The following USP35 variants were observed in gnomAD, a reference collection of about 807,000 sequenced individuals.
USP35 encodes the protein ubiquitin specific peptidase 35, also known as ubiquitin carboxyl-terminal hydrolase 35.
Under a neutral mutation model 83.8 loss-of-function variants are expected in USP35, and 69 were observed. The ratio of observed to expected loss-of-function variants is 0.82; its 90% CI spans 0.68 to 1.01. The LOEUF (loss-of-function observed/expected upper bound fraction) is 1.01, where lower values mean the gene tolerates loss of function less well. Among genes scored for constraint, USP35 ranks in the 50% least tolerant of loss-of-function variants. The probability of loss-of-function intolerance (pLI) is 0.00; values close to 1 mark genes in which losing one functional copy is unlikely to be tolerated. For missense variants in USP35, 1,503 were observed against 1,362.5 expected, an observed-to-expected ratio of 1.10 and a Z score of -1.62; for synonymous variants, 714 against 589.5, an observed-to-expected ratio of 1.21 and a Z score of -3.06.
At chr11:78,197,198 C>T (rs374958727) in intron 2 of USP35, among the ~76,000 whole-genome samples, 274 of 104,092 alleles carry the variant, frequency 2.6e-3, no homozygotes, top group African/African-American at 0.01. Context: ...GAGGGAGGAA[C>T]GGGAAGTTGA....
Position 78,209,966 on chromosome 11 carries a change from G to A in USP35, c.2111G>A (p.Gly704Glu), listed in dbSNP as rs764156825. The A allele has an allele frequency of 2.5e-6, 4 of 1,612,228 alleles. No individual in the cohort carries two copies. Residue 704 changes from glycine to glutamate, a missense_variant, in exon 10 of 11, where the codon GGA becomes GAA. Transcript: ENST00000529308. ...GAGGAGGAAAGCACCAGAGGGGAAG[G>A]AGAGAGGGAGAAAGAGGAGGAGGTG... ...GEEEESTRGE[G>E]EREKEEEVEE...
At chr11:78,191,313 T>C (rs1414938724) in intron 1 of USP35, among the ~76,000 whole-genome samples, 1 of 152,124 alleles carries the variant, frequency 6.6e-6, no homozygotes, top group Non-Finnish European at 1.5e-5. Context: ...GGCAGAGGGA[T>C]TGGGATTTTC....
chr11:78,203,524 C>T (rs1020407799), intron 6 of USP35, among the ~76,000 whole-genome samples: 2 of 152,158 alleles, frequency 1.3e-5, no homozygotes, highest in Admixed American at 6.5e-5. Flanking sequence ...CTCACTTTAT[C>T]TCAAAGACTC....
the USP35 span, chr11:78,220,456 A>C: frequency 5.8e-6 from 9 of 1,557,644 alleles, no homozygotes; most frequent in Middle Eastern, 3.4e-4. Flanking sequence ...TGTCACGAGG[A>C]GGAAAAAACT....
chr11:78,192,242 T>G (rs1863027264), intron 1 of USP35, among the ~76,000 whole-genome samples: 1 of 152,200 alleles, frequency 6.6e-6, no homozygotes, highest in African/African-American at 2.4e-5. Flanking sequence ...TGGCTGCTGT[T>G]TGCTGCTGCG....
chr11:78,231,715 A>G, the USP35 span: 1 of 152,256 alleles, frequency 6.6e-6, no homozygotes, highest in Non-Finnish European at 1.5e-5. Flanking sequence ...GTTCTTCCAC[A>G]CATTTTCATA....
At chr11:78,205,067 TG>T (rs1863490451) in intron 6 of USP35, among the ~76,000 whole-genome samples, 1 of 152,196 alleles carries the variant, frequency 6.6e-6, no homozygotes, top group South Asian at 2.1e-4. Flanking sequence ...GGTGCTTAGA[TG>T]TTGTTCTTTG....
In USP35 at chr11:78,214,244, G is replaced by GGGGGC. The variant is rs1863967335; in HGVS notation, c.*434_*435insGCGGG. ...CCAAGCCTTGCACAAAGGGGTGGGG[G>GGGGGC]GGGCAGTGTCTCCTCTGGCTGTCCT... On this transcript the variant is annotated 3_prime_UTR_variant, in exon 11 of 11. Transcript: ENST00000529308. 1.3e-5 allele frequency: 2 copies of GGGGGC among 149,422 alleles called. No individual in the cohort carries two copies. Among genetic ancestry groups the GGGGGC allele is most frequent in the African/African-American group, 5.1e-5 (2 of 39,094 alleles). The allele number at this position is 149,422 out of a possible 1,614,324, so 9.3% of individuals were successfully genotyped here.
At chr11:78,225,978 T>G in the USP35 span, among the ~76,000 whole-genome samples, 2 of 152,212 alleles carry the variant, frequency 1.3e-5, no homozygotes, top group African/African-American at 4.8e-5. Flanking sequence ...ACAATAGAAT[T>G]TAGGTACTTC....
At chr11:78,190,524 C>T (rs978729737) in intron 1 of USP35, among the ~76,000 whole-genome samples, 2 of 152,196 alleles carry the variant, frequency 1.3e-5, no homozygotes, top group African/African-American at 2.4e-5. Context: ...AGTTGCTTGA[C>T]GCACCTTCAC....
chr11:78,215,135 C>A lies in USP35; in HGVS notation c.*1322C>A, dbSNP rs554161595. ...GGATGGGTAAATGCTAGTATGATTT[C>A]CACTTTACAACAGACGCTGAGGTAG... On this transcript the variant is annotated 3_prime_UTR_variant, in exon 11 of 11. Transcript: ENST00000529308. 1.3e-5 allele frequency among the ~76,000 whole-genome samples: 2 copies of A among 152,186 alleles called. No homozygotes were observed. Among genetic ancestry groups the A allele is most frequent in the Admixed American group, 1.3e-4 (2 of 15,280 alleles).
intron 6 of USP35, among the ~76,000 whole-genome samples, chr11:78,202,946 A>C (rs1267040265): frequency 6.6e-6 from 1 of 152,126 alleles, no homozygotes; most frequent in Non-Finnish European, 1.5e-5. Context: ...TGAGCAAATG[A>C]GTGGGTTATT....
chr11:78,189,965 G>T (rs1192859630), intron 1 of USP35, among the ~76,000 whole-genome samples: 1 of 152,180 alleles, frequency 6.6e-6, no homozygotes, highest in African/African-American at 2.4e-5. Context: ...ACACCTGAGG[G>T]GCCAGAGATG....
At chr11:78,231,432 T>C in the USP35 span, among the ~76,000 whole-genome samples, 1 of 151,294 alleles carries the variant, frequency 6.6e-6, no homozygotes, top group African/African-American at 2.4e-5. Context: ...CACTGCAACC[T>C]CCGCCTCCTG....
At chr11:78,191,512 A>C (rs760477498) in intron 1 of USP35, among the ~76,000 whole-genome samples, 3 of 152,158 alleles carry the variant, frequency 2.0e-5, no homozygotes, top group Non-Finnish European at 4.4e-5. Flanking sequence ...AGGTAAAAGA[A>C]CACCTACCTC....
chr11:78,215,037 G>T lies in USP35; in HGVS notation c.*1224G>T, dbSNP rs1864048866. Among the ~76,000 whole-genome samples the T allele has an allele frequency of 1.3e-5, 2 of 152,116 alleles. No individual in the cohort carries two copies. The highest frequency in any genetic ancestry group is 4.8e-5 in the African/African-American group (2 of 41,424). ...GCCCAATGTCACAGACCCTCAAGAT[G>T]TCACATCTAAGTGACCTGTGAAAGC... On this transcript the variant is annotated 3_prime_UTR_variant, in exon 11 of 11. Coordinates refer to ENST00000529308, the MANE Select transcript of USP35 (RefSeq NM_020798.4).
At chr11:78,193,190 T>A (rs916896804) in intron 1 of USP35, among the ~76,000 whole-genome samples, 4 of 151,906 alleles carry the variant, frequency 2.6e-5, no homozygotes, top group South Asian at 2.1e-4. Flanking sequence ...GTTAAAAAAA[T>A]TTTTTTTCTT....
chr11:78,215,528 A>AT (rs1864078824), downstream of USP35: 1 of 152,646 alleles, frequency 6.6e-6, no homozygotes, highest in South Asian at 2.1e-4. Context: ...TTAAATGTCA[A>AT]TTTTAAATGG....
chr11:78,200,306 C>T (rs902538822), intron 5 of USP35, 72 bp downstream of exon 5: 8 of 1,543,622 alleles, frequency 5.2e-6, no homozygotes, highest in Non-Finnish European at 6.2e-6. Flanking sequence ...TGCCTACTGC[C>T]CCTGGTAAGG....
Sources: allele counts gnomAD v4.1 joint callset (sites outside exome capture counted in the v4.1 genomes callset), GRCh38; gene constraint gnomAD v4.1.1; transcripts MANE v1.5; gene names NCBI Gene and HGNC (gene_info 2026-07-23, HGNC 2026-07-21).